Variants in LRRC37B observed in about 807,000 individuals in gnomAD.
The protein encoded by LRRC37B is leucine-rich repeat-containing protein 37B.
In LRRC37B, 28 loss-of-function variants were observed where a neutral mutation model predicts 98.3. The ratio of observed to expected loss-of-function variants is 0.28; its 90% CI spans 0.21 to 0.39. LRRC37B has a LOEUF of 0.39. Among genes scored for constraint, LRRC37B ranks in the 10% least tolerant of loss-of-function variants. The probability of loss-of-function intolerance (pLI) is 1.00; values close to 1 mark genes in which losing one functional copy is unlikely to be tolerated. For missense variants in LRRC37B, 938 were observed against 1,182.7 expected, an observed-to-expected ratio of 0.79 and a Z score of 3.03; for synonymous variants, 364 against 442.7, an observed-to-expected ratio of 0.82 and a Z score of 2.23.
At chr17:32,030,244 A>G (rs1302159116) in intron 3 of LRRC37B, among the ~76,000 whole-genome samples, 2 of 152,164 alleles carry the variant, frequency 1.3e-5, no homozygotes, top group Admixed American at 1.3e-4. Context: ...GATGTCTTTT[A>G]TTTCTTCTGA....
intron 3 of LRRC37B, among the ~76,000 whole-genome samples, chr17:32,029,770 G>A (rs1046203765): frequency 6.6e-6 from 1 of 152,182 alleles, no homozygotes; most frequent in African/African-American, 2.4e-5. Context: ...CCATCATGGG[G>A]AACCATGTTA....
At chr17:32,007,503 C>T (rs1362321655), upstream of LRRC37B, among the ~76,000 whole-genome samples, 3 of 152,102 alleles carry the variant, frequency 2.0e-5, no homozygotes, top group African/African-American at 7.2e-5. This position sits in a 1 kb window ranked among gnomAD's most constrained non-coding sequence, Gnocchi z 4.1. Flanking sequence ...CCCCTCCCGC[C>T]CAGCCCCTCG....
exon 1 of LRRC37B, chr17:32,021,275 G>T (rs752004351): frequency 4.3e-6 from 7 of 1,613,138 alleles, no homozygotes; most frequent in Middle Eastern, 3.8e-4. Flanking sequence ...ACCCCCTGGG[G>T]CCACCTGAGC....
chr17:32,022,517 C>T (rs771363527), exon 1 of LRRC37B: 28 of 1,613,476 alleles, frequency 1.7e-5, no homozygotes, highest in Non-Finnish European at 2.0e-5. Flanking sequence ...CTCCAGAACC[C>T]ACTACAGAGA....
chr17:32,037,862 C>T (rs1911294291), intron 7 of LRRC37B, among the ~76,000 whole-genome samples: 1 of 152,026 alleles, frequency 6.6e-6, no homozygotes, highest in South Asian at 2.1e-4. Flanking sequence ...AATCCCAGTA[C>T]TTTGGGAGGC....
chr17:32,009,422 C>A (rs1044373743), intron 1 of LRRC37B, among the ~76,000 whole-genome samples: 3 of 151,810 alleles, frequency 2.0e-5, no homozygotes, highest in African/African-American at 7.3e-5. Flanking sequence ...CACCACCATA[C>A]CTGGCTAGTT....
intron 3 of LRRC37B, among the ~76,000 whole-genome samples, chr17:32,029,893 C>G (rs1303919531): frequency 6.6e-6 from 1 of 151,996 alleles, no homozygotes; most frequent in Non-Finnish European, 1.5e-5. Flanking sequence ...AGAGTGGGAC[C>G]AAGAATTTGC....
At chr17:32,034,931 G>C (rs779712372) in exon 6 of LRRC37B, 1 of 1,612,052 alleles carries the variant, frequency 6.2e-7, no homozygotes, top group African/African-American at 1.3e-5. Flanking sequence ...GCAATCCTCT[G>C]ACTACTGTCG....
intron 2 of LRRC37B, among the ~76,000 whole-genome samples, chr17:32,027,403 G>C (rs1374370697): frequency 3.3e-5 from 5 of 151,670 alleles, no homozygotes; most frequent in Non-Finnish European, 7.4e-5. Flanking sequence ...ATGTGTGTGT[G>C]TGCTTGCAAG....
rs182240385 is a variant in LRRC37B at position 32,045,668 on chromosome 17, A to G, written c.2205-32A>G. On this transcript the variant is annotated intron_variant, in intron 7 of 11. Transcript: ENST00000327564. ...TACCTACTCAAGTAACCGCTTTACC[A>G]CTAATTTATTGTTTTGTGTTTTCAT... 432 of 1,603,520 alleles carry G rather than the reference A, an allele frequency of 2.7e-4. No individual in the cohort carries two copies. The African/African-American group carries it at 5.2e-3, about 19-fold the overall frequency.
At chr17:32,041,816 G>A (rs1184673649) in intron 7 of LRRC37B, 4 of 459,072 alleles carry the variant, frequency 8.7e-6, no homozygotes, top group Non-Finnish European at 8.7e-6. Flanking sequence ...CACCCAGCTG[G>A]CCCAGACGGG....
At chr17:32,052,544 T>C (rs1255483741) in intron 11 of LRRC37B, 2 of 152,224 alleles carry the variant, frequency 1.3e-5, no homozygotes, top group African/African-American at 2.4e-5. Context: ...TCAGCCCTCT[T>C]CATCAGCAGG....
intron 11 of LRRC37B, chr17:32,052,633 A>G (rs1911789894): frequency 6.6e-6 from 1 of 152,252 alleles, no homozygotes; most frequent in Non-Finnish European, 1.5e-5. Flanking sequence ...AAAGTACAGT[A>G]TAACAACTGT....
upstream of LRRC37B, among the ~76,000 whole-genome samples, chr17:32,019,496 A>G (rs1910717206): frequency 6.6e-6 from 1 of 152,248 alleles, no homozygotes; most frequent in South Asian, 2.1e-4. Context: ...ATGACTGCAT[A>G]TGAAAGCTCT....
exon 1 of LRRC37B, chr17:32,022,018 T>C (rs758947712): frequency 3.1e-6 from 5 of 1,613,886 alleles, no homozygotes; most frequent in Non-Finnish European, 4.2e-6. Context: ...CTTCTACAGC[T>C]CCCTCAGGAG....
chr17:32,026,619 G>A (rs1344077832), intron 2 of LRRC37B, among the ~76,000 whole-genome samples: 11 of 152,284 alleles, frequency 7.2e-5, no homozygotes, highest in African/African-American at 2.6e-4. Flanking sequence ...AGTAGAGACA[G>A]AGTTTCACCA....
At chr17:32,039,520 ATATGTATG>A (rs1285930735) in intron 7 of LRRC37B, among the ~76,000 whole-genome samples, 22 of 19,370 alleles carry the variant, frequency 1.1e-3, no homozygotes, top group South Asian at 4.3e-3. Flanking sequence ...ATATATATAT[ATATGTATG>A]TATTTTTATA....
chr17:32,040,378 C>T (rs1322795492), intron 7 of LRRC37B: 7 of 454,148 alleles, frequency 1.5e-5, no homozygotes, highest in Non-Finnish European at 2.5e-5. Flanking sequence ...GAGGGTCACG[C>T]ACCTGGGAGC....
intron 10 of LRRC37B, 144 bp from the exon 14 acceptor site, chr17:32,049,859 T>A: frequency 3.6e-6 from 2 of 560,374 alleles, no homozygotes; most frequent in South Asian, 4.8e-5. Flanking sequence ...CAGAGTGAGA[T>A]CCTGTCTCAA....
Sources: allele counts gnomAD v4.1 joint callset (sites outside exome capture counted in the v4.1 genomes callset), GRCh38; gene constraint gnomAD v4.1.1; non-coding constraint Gnocchi (gnomAD v3.1); transcripts MANE v1.5; gene names NCBI Gene and HGNC (gene_info 2026-07-23, HGNC 2026-07-21).